The following NRG4 variants were observed in gnomAD, a reference collection of about 807,000 sequenced individuals.
NRG4 encodes pro-neuregulin-4, membrane-bound isoform.
A neutral mutation model predicts 15.0 loss-of-function variants in NRG4; 10 were observed. The observed-to-expected ratio is 0.67, with a 90% CI of 0.41 to 1.13. NRG4 has a LOEUF of 1.13. Among genes scored for constraint, NRG4 ranks in the 50% most tolerant of loss-of-function variants. The pLI is 0.00. For missense variants in NRG4, 139 were observed against 140.2 expected, an observed-to-expected ratio of 0.99 and a Z score of 0.04; for synonymous variants, 41 against 50.1, an observed-to-expected ratio of 0.82 and a Z score of 0.77.
At chr15:75,985,102 CCCAAAATGCTGGGATTACCGGCATGAG>C (rs746248749) in intron 3 of NRG4, among the ~76,000 whole-genome samples, 18 of 152,116 alleles carry the variant, frequency 1.2e-4, no homozygotes, top group Non-Finnish European at 1.6e-4. Flanking sequence ...GCCTCAGCAT[CCCAAAATGCTGGGATTACCGGCATGAG>C]CCACTGCACC....
intron 1 of NRG4, among the ~76,000 whole-genome samples, chr15:76,057,818 CATAAT>C (rs1468886846): frequency 1.3e-5 from 2 of 150,054 alleles, no homozygotes; most frequent in Non-Finnish European, 3.0e-5. Flanking sequence ...ATTATAAATA[CATAAT>C]ATAAATATTT....
intron 5 of NRG4, among the ~76,000 whole-genome samples, chr15:76,034,772 T>C (rs1957441942): frequency 6.6e-6 from 1 of 152,044 alleles, no homozygotes. Context: ...AATTCCAAAT[T>C]ATGAGGTTCT....
chr15:76,008,578 C>G (rs1268415111), intron 3 of NRG4, among the ~76,000 whole-genome samples: 4 of 152,038 alleles, frequency 2.6e-5, no homozygotes, highest in African/African-American at 9.7e-5. Context: ...CATTTAAATC[C>G]TATTCAACCA....
chr15:75,961,949 G>A lies in NRG4; in HGVS notation c.130C>T (p.Arg44Cys), dbSNP rs766444328. The change falls in exon 4 of 6, where the codon CGT (arginine) becomes TGT (cysteine). Residue 44 changes from arginine (R) to cysteine (C), a missense_variant. Coordinates refer to ENST00000394907, the MANE Select transcript of NRG4 (RefSeq NM_138573.4). The stretch of plus-strand genomic sequence containing the variant: ...CCTGGGAGAAAAACCTCTTCACAAC[G>A]AGCTCCTGTATAGTTTTCAACGCAC... ...CRCVENYTGA[R>C]CEEVFLPGSS... The A allele has an allele frequency of 3.7e-6, 6 of 1,613,236 alleles. No individual in the cohort carries two copies. Among genetic ancestry groups the A allele is most frequent in the South Asian group, 2.2e-5 (2 of 91,028 alleles).
At chr15:75,979,783 T>G (rs1242240290) in intron 3 of NRG4, among the ~76,000 whole-genome samples, 1 of 152,196 alleles carries the variant, frequency 6.6e-6, no homozygotes, top group Non-Finnish European at 1.5e-5. Context: ...TACTAAATTT[T>G]GCTTTCATTA....
At chr15:75,955,786 C>T (rs2032199679) in intron 5 of NRG4, 146 bp downstream of exon 5, 3 of 488,700 alleles carry the variant, frequency 6.1e-6, no homozygotes, top group Middle Eastern at 4.1e-4. Context: ...AAAAAGGGTA[C>T]CTGGCCAAAA....
downstream of NRG4, chr15:75,936,439 T>C (rs1028780756): frequency 3.3e-5 from 5 of 152,218 alleles, no homozygotes. Context: ...AATCAAATAT[T>C]TGCAAAATAT....
intron 3 of NRG4, among the ~76,000 whole-genome samples, chr15:75,981,714 C>T (rs987516190): frequency 1.3e-5 from 2 of 152,022 alleles, no homozygotes; most frequent in Admixed American, 6.5e-5. Context: ...GTCAAATGGT[C>T]GTTTTTGAAG....
chr15:75,941,366 T>C lies in NRG4; in HGVS notation c.*2272A>G, dbSNP rs2030938159. On this transcript the variant is annotated 3_prime_UTR_variant, in exon 6 of 6. Coordinates refer to ENST00000394907, the MANE Select transcript of NRG4 (RefSeq NM_138573.4). Reference sequence around the variant, plus strand: ...TATGCAGCTGCTGTAGAAAACAGTATGGTGATTTTCCAATTAAATATAGAA... The same window carrying C: ...TATGCAGCTGCTGTAGAAAACAGTACGGTGATTTTCCAATTAAATATAGAA... The C allele has an allele frequency of 6.6e-6, 1 of 152,188 alleles. No homozygotes were observed. Among genetic ancestry groups the C allele is most frequent in the Non-Finnish European group, 1.5e-5 (1 of 67,998 alleles). 9.4% of individuals were successfully genotyped at this position (152,188 alleles called of 1,614,324 possible).
At chr15:76,015,988 G>T (rs767039860), upstream of NRG4, among the ~76,000 whole-genome samples, 23 of 151,996 alleles carry the variant, frequency 1.5e-4, no homozygotes, top group Non-Finnish European at 7.4e-5. Context: ...GACTTTTTTT[G>T]GTTGGTAGGC....
chr15:75,996,041 A>T (rs151205128), intron 3 of NRG4, among the ~76,000 whole-genome samples: 63 of 152,274 alleles, frequency 4.1e-4, no homozygotes, highest in African/African-American at 1.4e-3. Flanking sequence ...TCTGATTACA[A>T]ATTTGGCTTC....
chr15:75,944,490 G>A (rs926783257), intron 5 of NRG4, among the ~76,000 whole-genome samples: 31 of 152,254 alleles, frequency 2.0e-4, no homozygotes, highest in African/African-American at 5.3e-4. Context: ...AAGATTGCCC[G>A]GGGAGGCTTA....
chr15:76,053,303 T>C (rs1170774538), intron 2 of NRG4: 1 of 151,008 alleles, frequency 6.6e-6, no homozygotes, highest in Non-Finnish European at 1.5e-5. Context: ...AGTTTGAATC[T>C]TGGTTCCTTA....
At chr15:75,951,631 T>C (rs2031909879) in intron 5 of NRG4, among the ~76,000 whole-genome samples, 1 of 152,238 alleles carries the variant, frequency 6.6e-6, no homozygotes, top group African/African-American at 2.4e-5. Context: ...CTAGAGTTTC[T>C]AGCATACACT....
At chr15:75,963,942 C>CAAAAAATATATATACATATATATGTAAAT (rs1277395274) in intron 3 of NRG4, among the ~76,000 whole-genome samples, 19 of 151,388 alleles carry the variant, frequency 1.3e-4, no homozygotes, top group African/African-American at 4.6e-4. Context: ...GACCCTGTCT[C>CAAAAAATATATATACATATATATGTAAAT]AAAAAATATA....
chr15:76,025,402 G>T (rs1271651598), intron 5 of NRG4, among the ~76,000 whole-genome samples: 2 of 152,094 alleles, frequency 1.3e-5, no homozygotes, highest in African/African-American at 4.8e-5. Context: ...TCACACCACT[G>T]CATTCCAGCC....
chr15:76,054,580 A>G (rs2036107498), intron 2 of NRG4, among the ~76,000 whole-genome samples: 1 of 152,084 alleles, frequency 6.6e-6, no homozygotes, highest in Admixed American at 6.6e-5. Context: ...ACGCTCAGAT[A>G]ATTTTTGTAT....
At chr15:75,963,218 A>T (rs922394051) in intron 3 of NRG4, among the ~76,000 whole-genome samples, 4 of 152,228 alleles carry the variant, frequency 2.6e-5, no homozygotes, top group Non-Finnish European at 4.4e-5. Flanking sequence ...GTGATTGGTG[A>T]TAGCTTCCCG....
intron 4 of NRG4, among the ~76,000 whole-genome samples, chr15:75,960,209 A>G (rs2469043): frequency 0.018 from 2,803 of 152,336 alleles, 80 homozygotes; most frequent in African/African-American, 0.063. Context: ...CACAAGAGTG[A>G]TTAATGAGGG....
Sources: gnomAD v4.1 joint callset for allele counts (sites outside exome capture counted in the v4.1 genomes callset) on GRCh38, gnomAD v4.1.1 for gene constraint, MANE v1.5 for transcripts, NCBI Gene and HGNC (gene_info 2026-07-23, HGNC 2026-07-21) for gene names.